CAMK2G: variants seen among roughly 807,000 people sequenced by gnomAD.
The protein encoded by CAMK2G is calcium/calmodulin dependent protein kinase II gamma.
Under a neutral mutation model 88.7 loss-of-function variants are expected in CAMK2G, and 23 were observed. The observed-to-expected ratio is 0.26, with a 90% CI of 0.19 to 0.37. The LOEUF (loss-of-function observed/expected upper bound fraction) is 0.37. Ranked by LOEUF, CAMK2G falls within the 10% of genes least tolerant of loss-of-function variation. CAMK2G has a pLI of 1.00. For missense variants in CAMK2G, 476 were observed against 780.8 expected, an observed-to-expected ratio of 0.61 and a Z score of 4.65; for synonymous variants, 263 against 294.8, an observed-to-expected ratio of 0.89 and a Z score of 1.11.
rs914072584 is a variant in CAMK2G at position 73,813,895 on chromosome 10, G to C, written c.*623C>G. 6.5e-6 allele frequency: 1 copy of C among 152,678 alleles called. No homozygotes were observed. The allele number at this position is 152,678 out of a possible 1,614,324, so 9.5% of individuals were successfully genotyped here. A position where few individuals can be genotyped will look rare whatever the true frequency, so the allele number is the denominator to read the frequency against. ...CAACGTCCGGGCTCTCAGTCCTGAG[G>C]CCACCACTTCTCAGCTGCCTCCACA... On this transcript the variant is annotated 3_prime_UTR_variant, in exon 23 of 23. Transcript: ENST00000423381.
At chr10:73,841,078 G>C (rs995213036) in intron 12 of CAMK2G, among the ~76,000 whole-genome samples, 3 of 152,250 alleles carry the variant, frequency 2.0e-5, no homozygotes, top group African/African-American at 7.2e-5. Context: ...TCACTATCCA[G>C]CCCTGGCCTT....
At position 73,813,487 on chromosome 10, in the gene CAMK2G, T is replaced by C. The variant is rs984401491; in HGVS notation, c.*1031A>G. ...ACCTCTTCTCCCACTGCCTCACTCC[T>C]CCCATCCCACAGGGGCACTTGGCAG... On this transcript the variant is annotated 3_prime_UTR_variant, in exon 23 of 23. Transcript: ENST00000423381. 3.3e-5 allele frequency: 5 copies of C among 152,648 alleles called. No homozygotes were observed. Among genetic ancestry groups the C allele is most frequent in the Non-Finnish European group, 5.9e-5 (4 of 68,132 alleles). The allele number at this position is 152,648 out of a possible 1,614,324, so 9.5% of individuals were successfully genotyped here. A position where few individuals can be genotyped will look rare whatever the true frequency, so the allele number is the denominator to read the frequency against.
rs1227019372 is a variant in CAMK2G, at chr10:73,824,031, G to A, written c.1200+9C>T. ...TGGAAAGCAGGAGGCAGGCTCAGGA[G>A]CCACTCACCTTGATCCCATCTGTAG... is the stretch of plus-strand genomic sequence containing the variant. On this transcript the variant is annotated intron_variant, in intron 17 of 22. Transcript: ENST00000423381. 1.2e-6 allele frequency: 2 copies of A among 1,611,008 alleles called. No individual in the cohort carries two copies. The highest frequency in any genetic ancestry group is 1.3e-5 in the African/African-American group (1 of 74,982).
chr10:73,858,289 C>T (rs760096654), intron 3 of CAMK2G, among the ~76,000 whole-genome samples: 44 of 152,204 alleles, frequency 2.9e-4, no homozygotes, highest in Non-Finnish European at 4.0e-4. Context: ...TGGGCTGGCC[C>T]GTTTGTTTCC....
chr10:73,836,258 G>A (rs987486096), intron 14 of CAMK2G, among the ~76,000 whole-genome samples: 3 of 152,132 alleles, frequency 2.0e-5, no homozygotes, highest in African/African-American at 4.8e-5. Context: ...ACCATCTCGC[G>A]TGGGTCCACT....
At chr10:73,859,591 G>C (rs1384887279) in intron 3 of CAMK2G, among the ~76,000 whole-genome samples, 1 of 152,190 alleles carries the variant, frequency 6.6e-6, no homozygotes, top group Non-Finnish European at 1.5e-5. Flanking sequence ...AGGAGCTCCA[G>C]TAGTTCTGCG....
Position 73,825,298 on chromosome 10 carries a change from G to T in CAMK2G, c.1136C>A (p.Ala379Glu). 3 of 1,613,402 alleles carry T rather than the reference G, an allele frequency of 1.9e-6. No individual in the cohort carries two copies. Among genetic ancestry groups the T allele is most frequent in the Non-Finnish European group, 2.5e-6 (3 of 1,179,336 alleles). Residue 379 changes from alanine to glutamate, a missense_variant, in exon 16 of 23, where the codon GCG becomes GAG. Physicochemically the swap from Ala to Glu is moderately radical, Grantham distance 107. Around this residue, in one of 3 missense-constraint regions of CAMK2G, gnomAD observed 278 missense variants for 366.5 expected, o/e 0.76. Coordinates refer to ENST00000423381, the MANE Select transcript of CAMK2G (RefSeq NM_001367534.1). ...NSLVSPAQEP[A>E]PLQTAMEPQT... Reference sequence around the variant, plus strand: ...AGGTACCATGGCCGTCTGCAAGGGCGCGGGCTCTTGGGCTGGGCTTACGAG... The same window carrying T: ...AGGTACCATGGCCGTCTGCAAGGGCTCGGGCTCTTGGGCTGGGCTTACGAG...
Position 73,838,871 on chromosome 10 carries a change from C to G in CAMK2G, c.1009+668G>C, listed in dbSNP as rs539124151. Among the ~76,000 whole-genome samples, 13 of 152,300 alleles carry G rather than the reference C, an allele frequency of 8.5e-5. No homozygotes were observed. In the East Asian group the frequency reaches 2.5e-3, roughly 29 times the overall value. On this transcript the variant is annotated intron_variant, in intron 13 of 22. Transcript: ENST00000423381. ...TGATTTTATTGTCTGGGGTGGGGTC[C>G]TGGCATTAGGACTTCTTACGAGCTC...
intron 14 of CAMK2G, among the ~76,000 whole-genome samples, chr10:73,835,774 G>C (rs1424888751): frequency 6.6e-6 from 1 of 152,174 alleles, no homozygotes; most frequent in Non-Finnish European, 1.5e-5. Flanking sequence ...ATATGTATAA[G>C]AGAACCCATA....
Position 73,848,511 on chromosome 10 carries a change from G to A in CAMK2G, c.601+15C>T, listed in dbSNP as rs764072694. 27 of 1,579,242 alleles carry A rather than the reference G, an allele frequency of 1.7e-5. No homozygotes were observed. The highest frequency in any genetic ancestry group is 1.7e-4 in the Middle Eastern group (1 of 5,930). Reference sequence around the variant, plus strand: ...CCCTTAACAGCGAAAAGCTGAGAGCGTGGAATGGGCTTACCGCAGGCCCAG... The same window carrying A: ...CCCTTAACAGCGAAAAGCTGAGAGCATGGAATGGGCTTACCGCAGGCCCAG... On this transcript the variant is annotated intron_variant, in intron 8 of 22. Transcript: ENST00000423381. This position sits in a 1 kb window ranked among gnomAD's most constrained non-coding sequence, Gnocchi z 4.5.
At chr10:73,861,635 C>G (rs1212112425) in intron 2 of CAMK2G, among the ~76,000 whole-genome samples, 1 of 152,180 alleles carries the variant, frequency 6.6e-6, no homozygotes. Context: ...GGATTATAGG[C>G]GTGAGCCACC....
At chr10:73,843,510 G>A (rs1256070110) in intron 10 of CAMK2G, among the ~76,000 whole-genome samples, 1 of 152,154 alleles carries the variant, frequency 6.6e-6, no homozygotes, top group Non-Finnish European at 1.5e-5. Flanking sequence ...ATATAGTGAT[G>A]TCCTCAGGGG....
At chr10:73,845,592 A>AAAG (rs1555043181) in intron 10 of CAMK2G, among the ~76,000 whole-genome samples, 1 of 150,968 alleles carries the variant, frequency 6.6e-6, no homozygotes, top group African/African-American at 2.4e-5. Flanking sequence ...AAAAAAAAAA[A>AAAG]AGAGAAAACC....
At chr10:73,832,967 CTTT>C (rs755852421) in intron 14 of CAMK2G, among the ~76,000 whole-genome samples, 2 of 96,226 alleles carry the variant, frequency 2.1e-5, no homozygotes, top group Admixed American at 1.3e-4. Flanking sequence ...TCTTCTCTCT[CTTT>C]TTTTTTTTTT....
intron 10 of CAMK2G, among the ~76,000 whole-genome samples, chr10:73,845,381 A>G (rs968703302): frequency 5.3e-5 from 8 of 151,866 alleles, no homozygotes; most frequent in Non-Finnish European, 1.2e-4. Flanking sequence ...AGGAGATCGA[A>G]ACCATCCTGA....
intron 3 of CAMK2G, among the ~76,000 whole-genome samples, chr10:73,853,478 G>C (rs2094796267): frequency 6.6e-6 from 1 of 152,258 alleles, no homozygotes; most frequent in African/African-American, 2.4e-5. Context: ...AGAGAGAAAA[G>C]CTTCATGGCT....
intron 14 of CAMK2G, among the ~76,000 whole-genome samples, chr10:73,831,436 G>A (rs2092412648): frequency 6.6e-6 from 1 of 151,344 alleles, no homozygotes; most frequent in African/African-American, 2.4e-5. Flanking sequence ...TACTTGGGAG[G>A]CTGAGGTTGG....
rs1460999140 is a variant in CAMK2G at position 73,820,685 on chromosome 10, T to C, written c.1249+997A>G. Among the ~76,000 whole-genome samples, 3 of 132,418 alleles carry C rather than the reference T, an allele frequency of 2.3e-5. No homozygotes were observed. In the East Asian group the frequency reaches 6.4e-4, roughly 28 times the overall value. The allele number at this position is 132,418 out of a possible 152,430, so 86.9% of individuals were successfully genotyped here. On this transcript the variant is annotated intron_variant, in intron 18 of 22. Coordinates refer to ENST00000423381, the MANE Select transcript of CAMK2G (RefSeq NM_001367534.1). Reference sequence around the variant, plus strand: ...CTAATTTTTTTTTTTTTTTTTTTTTTTTTTGAGAAGAAGTTTCGCTCTTGT... The same window carrying C: ...CTAATTTTTTTTTTTTTTTTTTTTTCTTTTGAGAAGAAGTTTCGCTCTTGT...
At chr10:73,823,223 A>T (rs1247841493) in intron 17 of CAMK2G, among the ~76,000 whole-genome samples, 2 of 150,476 alleles carry the variant, frequency 1.3e-5, no homozygotes, top group Non-Finnish European at 3.0e-5. Flanking sequence ...TATCTTATTT[A>T]TTTTTTTTGA....
Sources: allele counts gnomAD v4.1 joint callset (sites outside exome capture counted in the v4.1 genomes callset), GRCh38; gene constraint gnomAD v4.1.1; regional missense constraint gnomAD v4.1.1; non-coding constraint Gnocchi (gnomAD v3.1); transcripts MANE v1.5; gene names NCBI Gene and HGNC (gene_info 2026-07-23, HGNC 2026-07-21).